GPC1: variants seen among roughly 807,000 people sequenced by gnomAD.
GPC1 encodes glypican-1.
In GPC1, 26 loss-of-function variants were observed where a neutral mutation model predicts 51.5. That is an observed-to-expected ratio of 0.50 (90% CI 0.37 to 0.70). GPC1 has a LOEUF of 0.70. Ranked by LOEUF, GPC1 falls within the 30% of genes least tolerant of loss-of-function variation. The pLI, the probability that GPC1 is intolerant of heterozygous loss-of-function variation, is 0.00. For synonymous variants in GPC1, 380 were observed against 348.3 expected, an observed-to-expected ratio of 1.09 and a Z score of -1.01; for missense variants, 775 against 800.5, an observed-to-expected ratio of 0.97 and a Z score of 0.38.
intron 1 of GPC1, among the ~76,000 whole-genome samples, chr2:240,445,742 A>G (rs2074045173): frequency 6.6e-6 from 1 of 152,170 alleles, no homozygotes. Context: ...CTTACTCGGA[A>G]CGATGGTGTT....
intron 1 of GPC1, chr2:240,450,918 G>C: frequency 2.5e-6 from 1 of 405,872 alleles, no homozygotes; most frequent in South Asian, 1.9e-5. Flanking sequence ...GGCTGGGGAG[G>C]CTTCCTGAGG....
In GPC1 at chr2:240,463,661, C is replaced by T. The variant is rs114638227; in HGVS notation, c.883+149C>T. On this transcript the variant is annotated intron_variant, in intron 4 of 8. Coordinates refer to ENST00000264039, the MANE Select transcript of GPC1 (RefSeq NM_002081.3). ...CCCGGGCCAGATCTGGGTGGTGCTGCAGGGTTGAGGGGCCAGGGTGCCTTT... is the reference window on the plus strand; with the variant it reads ...CCCGGGCCAGATCTGGGTGGTGCTGTAGGGTTGAGGGGCCAGGGTGCCTTT... The T allele has an allele frequency of 4.7e-3, 3,081 of 657,194 alleles. 18 individuals carry two copies. Among genetic ancestry groups the T allele is most frequent in the Non-Finnish European group, 5.8e-3 (2,242 of 386,160 alleles). The allele number at this position is 657,194 out of a possible 1,614,324, so 40.7% of individuals were successfully genotyped here.
At chr2:240,457,694 G>GC (rs941643915) in intron 1 of GPC1, among the ~76,000 whole-genome samples, 29 of 152,134 alleles carry the variant, frequency 1.9e-4, no homozygotes, top group African/African-American at 7.0e-4. Context: ...AGGTGCCTCT[G>GC]CCCGGGCTGA....
chr2:240,447,759 C>T (rs1461124828), intron 1 of GPC1, among the ~76,000 whole-genome samples: 4 of 152,108 alleles, frequency 2.6e-5, no homozygotes, highest in African/African-American at 9.7e-5. Context: ...CTCTGCCCAG[C>T]GTGTGTCATG....
intron 1 of GPC1, among the ~76,000 whole-genome samples, chr2:240,446,134 G>A (rs912486942): frequency 2.6e-5 from 4 of 152,258 alleles, no homozygotes; most frequent in African/African-American, 9.6e-5. Context: ...GAGAGGCTTG[G>A]GGCCCAGTGT....
At chr2:240,465,954 C>T (rs1329822731) in intron 8 of GPC1, 104 bp from the exon 9 acceptor site, 2 of 682,732 alleles carry the variant, frequency 2.9e-6, no homozygotes, top group African/African-American at 3.7e-5. Context: ...TGGGATTCCA[C>T]ACCGAAAGGA....
chr2:240,450,699 TG>T, intron 1 of GPC1: 1 of 468,876 alleles, frequency 2.1e-6, no homozygotes, highest in Non-Finnish European at 4.4e-6. Flanking sequence ...GTGTGGCTCG[TG>T]GGCCATGCTG....
At chr2:240,453,035 G>A (rs1328003049) in intron 1 of GPC1, 4 of 341,352 alleles carry the variant, frequency 1.2e-5, no homozygotes, top group East Asian at 1.5e-4. Context: ...TCCCGCGTCC[G>A]CCGCCGCGCT....
At chr2:240,438,047 C>T (rs1217976057) in intron 1 of GPC1, among the ~76,000 whole-genome samples, 1 of 152,136 alleles carries the variant, frequency 6.6e-6, no homozygotes, top group Non-Finnish European at 1.5e-5. Flanking sequence ...GTTGATTTCT[C>T]TGTGTCTGAT....
Position 240,462,175 on chromosome 2 carries a change from C to G in GPC1, c.326-16C>G, listed in dbSNP as rs775996892. The G allele has an allele frequency of 6.4e-7, 1 of 1,561,892 alleles. No individual in the cohort carries two copies. Among genetic ancestry groups the G allele is most frequent in the Non-Finnish European group, 8.7e-7 (1 of 1,150,086 alleles). ...GGGGAAACATGGTCCCGATCACGCC[C>G]CCTCCCTGTGCGCAGACCACTTCCA... On this transcript the variant is annotated splice_polypyrimidine_tract_variant and intron_variant, in intron 2 of 8. Transcript: ENST00000264039.
Position 240,459,141 on chromosome 2 carries a change from G to A in GPC1, c.278G>A (p.Ser93Asn). ...AELETALRDS[S>N]RVLQAMLATQ... is the part of the protein sequence containing the mutation. ...CTGGAGACCGCGCTCCGGGACAGCA[G>A]CCGCGTCCTGCAGGCCATGCTTGCC... is the stretch of plus-strand genomic sequence containing the variant. Residue 93 changes from serine (S) to asparagine (N), a missense_variant, in exon 2 of 9, where the codon AGC (serine) becomes AAC (asparagine). Ser to Asn is a conservative substitution (Grantham distance 46). Transcript: ENST00000264039. 1.9e-6 allele frequency: 3 copies of A among 1,612,574 alleles called. No homozygotes were observed. Among genetic ancestry groups the A allele is most frequent in the East Asian group, 2.2e-5 (1 of 44,868 alleles).
chr2:240,459,235 T>A, intron 2 of GPC1, 47 bp downstream of exon 2: 3 of 1,563,910 alleles, frequency 1.9e-6, no homozygotes, highest in Non-Finnish European at 2.6e-6. Context: ...TGCCGGTGCA[T>A]CGGGGGAGGG....
chr2:240,465,353 C>A, intron 7 of GPC1, 120 bp from the exon 8 acceptor site: 1 of 1,339,114 alleles, frequency 7.5e-7, no homozygotes, highest in Non-Finnish European at 1.0e-6. Context: ...GTGGGCTCTG[C>A]TCGGTCCCTG....
At chr2:240,461,342 C>T (rs1486323194) in intron 2 of GPC1, among the ~76,000 whole-genome samples, 1 of 152,220 alleles carries the variant, frequency 6.6e-6, no homozygotes, top group Admixed American at 6.5e-5. Flanking sequence ...CCTGGAGCAC[C>T]TTGTGGTGGG....
chr2:240,463,229 G>C (rs952435373), intron 3 of GPC1, 118 bp from the exon 4 acceptor site: 1 of 816,772 alleles, frequency 1.2e-6, no homozygotes, highest in African/African-American at 1.7e-5. Flanking sequence ...CTGGGGCAGA[G>C]CAGAGGCCTC....
At chr2:240,436,342 G>T (rs1185385262) in intron 1 of GPC1, among the ~76,000 whole-genome samples, 1 of 152,098 alleles carries the variant, frequency 6.6e-6, no homozygotes, top group Non-Finnish European at 1.5e-5. Flanking sequence ...CCCCCCGCAC[G>T]CCGGCTTCTT....
chr2:240,455,617 G>A (rs900131427), intron 1 of GPC1, among the ~76,000 whole-genome samples: 77 of 152,212 alleles, frequency 5.1e-4, no homozygotes, highest in African/African-American at 1.8e-3. Flanking sequence ...CCCAGGTGTT[G>A]AGCTGAGAGA....
chr2:240,464,823 C>T, intron 5 of GPC1, 33 bp from the exon 6 acceptor site: 2 of 1,564,064 alleles, frequency 1.3e-6, no homozygotes, highest in Non-Finnish European at 1.7e-6. Flanking sequence ...AGGGGCCCCA[C>T]TACCCCCCAA....
At chr2:240,452,867 GC>G in intron 1 of GPC1, 1 of 217,472 alleles carries the variant, frequency 4.6e-6, no homozygotes, top group Non-Finnish European at 9.2e-6. Context: ...TCTCCCGCGC[GC>G]CCGGCGGACC....
Sources: allele counts gnomAD v4.1 joint callset (sites outside exome capture counted in the v4.1 genomes callset), GRCh38; gene constraint gnomAD v4.1.1; transcripts MANE v1.5; gene names NCBI Gene and HGNC (gene_info 2026-07-23, HGNC 2026-07-21).